Variants in NEB observed in about 807,000 individuals in gnomAD.
NEB encodes the protein nebulin.
A neutral mutation model predicts 952.2 loss-of-function variants in NEB; 512 were observed. The ratio of observed to expected loss-of-function variants is 0.54; its 90% CI spans 0.50 to 0.58. The LOEUF (loss-of-function observed/expected upper bound fraction) is 0.58. Among genes scored for constraint, NEB ranks in the 20% least tolerant of loss-of-function variants. The pLI is 0.00. For synonymous variants in NEB, 2,900 were observed against 3,149.8 expected (o/e 0.92, Z 2.66); for missense variants, 8,428 against 9,231.1 (o/e 0.91, Z 3.56).
At chr2:151,674,450 T>C in intron 36 of NEB, 27 bp downstream of exon 36, 1 of 1,577,112 alleles carries the variant, frequency 6.3e-7, no homozygotes, top group Non-Finnish European at 8.7e-7. Context: ...GGCAAACACC[T>C]AAACTTCACC....
At chr2:151,654,362 T>TA (rs1366263361) in intron 51 of NEB, among the ~76,000 whole-genome samples, 1 of 152,178 alleles carries the variant, frequency 6.6e-6, no homozygotes, top group Non-Finnish European at 1.5e-5. Flanking sequence ...TCAGAAACAA[T>TA]ATGGTCATAT....
At chr2:151,670,433 ACG>A (rs1274799121) in intron 38 of NEB, among the ~76,000 whole-genome samples, 1 of 105,376 alleles carries the variant, frequency 9.5e-6, no homozygotes, top group East Asian at 5.9e-4. Flanking sequence ...GTCCATACAG[ACG>A]TGTCTCAGAA....
intron 181 of NEB, chr2:151,486,573 A>G (rs947451205): frequency 3.3e-5 from 5 of 152,306 alleles, no homozygotes; most frequent in African/African-American, 9.6e-5. Flanking sequence ...AGCATTACTC[A>G]TAATAGCCAA....
chr2:151,561,814 C>T (rs996497274), intron 121 of NEB, among the ~76,000 whole-genome samples: 1 of 152,116 alleles, frequency 6.6e-6, no homozygotes, highest in African/African-American at 2.4e-5. Context: ...CTACTCTCTG[C>T]AAGTTAACTT....
At position 151,531,219 on chromosome 2, in the gene NEB, A is replaced by G. The variant is rs184182602; in HGVS notation, c.21523-118T>C. The G allele has an allele frequency of 4.3e-6, 3 of 694,678 alleles. No individual in the cohort carries two copies. The African/African-American group carries it at 5.3e-5, about 12-fold the overall frequency. The allele number at this position is 694,678 out of a possible 1,614,324, so 43.0% of individuals were successfully genotyped here. A position where few individuals can be genotyped will look rare whatever the true frequency, so the allele number is the denominator to read the frequency against. On this transcript the variant is annotated intron_variant, in intron 144 of 181. Coordinates refer to ENST00000397345, the MANE Select transcript of NEB (RefSeq NM_001164508.2). Reference sequence around the variant, plus strand: ...AAGGAAAGAGAATTCTATGAATTTGACAGGTGCTTTCATGCTCTCTGCTAA... The same window carrying G: ...AAGGAAAGAGAATTCTATGAATTTGGCAGGTGCTTTCATGCTCTCTGCTAA...
At chr2:151,515,000 G>GA (rs969597614) in intron 157 of NEB, 72 bp from the exon 158 acceptor site, 32,132 of 765,574 alleles carry the variant, frequency 0.042, 2 homozygotes, top group South Asian at 0.061. Context: ...ATCTCAGGAA[G>GA]AAAAAAAAAA....
chr2:151,684,878 G>T lies in NEB; in HGVS notation c.2735C>A (p.Ala912Asp). The change falls in exon 28 of 182, where the codon GCC becomes GAC. Residue 912 changes from alanine to aspartate, a missense_variant. Physicochemically the swap from Ala to Asp is moderately radical, Grantham distance 126. Around this residue, in one of 11 missense-constraint regions of NEB, gnomAD observed 2,851 missense variants for 2,791.5 expected, o/e 1.02. Coordinates refer to ENST00000397345, the MANE Select transcript of NEB (RefSeq NM_001164508.2). ...GATGTGCTTATAATCAACGTCGCTGGCAATTGCCTGAGATTTCTTAGCTTG... is the reference window on the plus strand; with the variant it reads ...GATGTGCTTATAATCAACGTCGCTGTCAATTGCCTGAGATTTCTTAGCTTG... The part of the protein sequence containing the change: ...VTQAKKSQAI[A>D]SDVDYKHILH... 6.2e-7 allele frequency: 1 copy of T among 1,613,080 alleles called. No individual in the cohort carries two copies. The highest frequency in any genetic ancestry group is 1.1e-5 in the South Asian group (1 of 90,876).
rs1327162841 is a variant in NEB at position 151,692,261 on chromosome 2, C to T, written c.1998G>A (p.Glu666=). 2.5e-6 allele frequency: 4 copies of T among 1,613,380 alleles called. No homozygotes were observed. The highest frequency in any genetic ancestry group is 3.4e-6 in the Non-Finnish European group (4 of 1,179,488). The change falls in exon 21 of 182, where the codon GAG becomes GAA. Residue 666 remains glutamate, a splice_region_variant and synonymous_variant. Transcript: ENST00000397345. ...QLDTQLKNFS[E]ARYKDLYVKD... ...GAAAGGTAACCGTGGCTTTTCGAAC[C>T]TCACTGAAGTTCTTCAGCTGAGTAT...
chr2:151,630,344 A>T (rs147560108), intron 67 of NEB, among the ~76,000 whole-genome samples: 333 of 151,722 alleles, frequency 2.2e-3, no homozygotes, highest in Non-Finnish European at 3.5e-3. Context: ...CTGCCCCTTT[A>T]CTCTCTCTGC....
At chr2:151,524,731 A>G (rs2084522513) in intron 151 of NEB, 115 bp from the exon 152 acceptor site, 7 of 815,612 alleles carry the variant, frequency 8.6e-6, no homozygotes, top group South Asian at 1.7e-5. Flanking sequence ...CAGTGGTACA[A>G]TCTCAGCTCA....
rs778024095 is a variant in NEB at position 151,540,815 on chromosome 2, G to C, written c.20683-14C>G. On this transcript the variant is annotated splice_polypyrimidine_tract_variant and intron_variant, in intron 136 of 181. Transcript: ENST00000397345. ...AACATACAGATACTGAATAATAGAA[G>C]AAAGTGAGGTGTCATAGAGATAAAG... is the stretch of plus-strand genomic sequence containing the variant. 6.3e-7 allele frequency: 1 copy of C among 1,585,002 alleles called. No individual in the cohort carries two copies.
intron 143 of NEB, among the ~76,000 whole-genome samples, chr2:151,533,207 A>G (rs566190508): frequency 1.3e-5 from 2 of 152,376 alleles, no homozygotes; most frequent in South Asian, 4.1e-4. Flanking sequence ...AACACTTGAA[A>G]GAATCAGTTA....
chr2:151,620,774 G>T, intron 72 of NEB, 145 bp downstream of exon 72: 1 of 583,494 alleles, frequency 1.7e-6, no homozygotes, highest in Non-Finnish European at 3.0e-6. Context: ...TTGTGATCTT[G>T]GGCAAGTTAT....
At chr2:151,659,508 C>T (rs1032330392) in intron 46 of NEB, among the ~76,000 whole-genome samples, 4 of 151,936 alleles carry the variant, frequency 2.6e-5, no homozygotes, top group Non-Finnish European at 5.9e-5. Context: ...GCCATGTTGC[C>T]CAGGCTGGTT....
rs193042896 is a variant in NEB at position 151,633,722 on chromosome 2, C to G, written c.9346G>C (p.Glu3116Gln). Residue 3116 changes from glutamate (E) to glutamine (Q), a missense_variant, in exon 65 of 182, where the codon GAG becomes CAG. This residue lies in a region of NEB where 1,772 missense variants were observed against 1,960.3 expected (regional missense o/e 0.90). Transcript: ENST00000397345. ...CTCTGGTCAGGCAGGCATGTCCACT[C>G]GTGCAGGTAGTTCTTATAGTCCACG... Reference protein sequence around the residue: ...SDVDYKNYLHEWTCLPDQSDV... With the variant: ...SDVDYKNYLHQWTCLPDQSDV... The G allele has an allele frequency of 9.9e-6, 16 of 1,613,862 alleles. No individual in the cohort carries two copies. The highest frequency in any genetic ancestry group is 2.7e-5 in the African/African-American group (2 of 74,916).
chr2:151,680,639 T>C, intron 30 of NEB, 91 bp downstream of exon 30: 1 of 953,382 alleles, frequency 1.0e-6, no homozygotes, highest in Admixed American at 2.3e-5. Context: ...CTTCATATTG[T>C]ATAATAACTA....
chr2:151,556,740 T>C (rs1220055869), intron 124 of NEB, among the ~76,000 whole-genome samples: 1 of 150,188 alleles, frequency 6.7e-6, no homozygotes, highest in Non-Finnish European at 1.5e-5. Context: ...CAGAGAGACT[T>C]AGAATGCAAC....
chr2:151,706,685 A>C (rs2099707834), intron 13 of NEB, among the ~76,000 whole-genome samples, 196 bp downstream of exon 13: 1 of 152,164 alleles, frequency 6.6e-6, no homozygotes, highest in South Asian at 2.1e-4. Flanking sequence ...AATTAACCCC[A>C]CAGAACCACA....
At chr2:151,568,807 A>G in intron 110 of NEB, 91 bp from the exon 111 acceptor site, 1 of 872,184 alleles carries the variant, frequency 1.1e-6, no homozygotes, top group Middle Eastern at 2.3e-4. Flanking sequence ...CTTCTCTACT[A>G]GAAACATACA....
Sources: gnomAD v4.1 joint callset for allele counts (sites outside exome capture counted in the v4.1 genomes callset) on GRCh38, gnomAD v4.1.1 for gene constraint, gnomAD v4.1.1 regional missense constraint, MANE v1.5 for transcripts, NCBI Gene and HGNC (gene_info 2026-07-23, HGNC 2026-07-21) for gene names.